ATRNL1: variants seen among roughly 807,000 people sequenced by gnomAD.
The protein encoded by ATRNL1 is attractin like 1.
A neutral mutation model predicts 182.7 loss-of-function variants in ATRNL1; 95 were observed. The ratio of observed to expected loss-of-function variants is 0.52; its 90% CI spans 0.44 to 0.62. The LOEUF (loss-of-function observed/expected upper bound fraction) is 0.62, where lower values mean the gene tolerates loss of function less well. ATRNL1 is among the 20% of genes least tolerant of loss of function. The probability of loss-of-function intolerance (pLI) is 0.00; values close to 1 mark genes in which losing one functional copy is unlikely to be tolerated. For synonymous variants in ATRNL1, 576 were observed against 568.3 expected (o/e 1.01, Z -0.19); for missense variants, 1,471 against 1,679.5 (o/e 0.88, Z 2.17).
chr10:115,587,128 C>T lies in ATRNL1; in HGVS notation c.3795+37592C>T, dbSNP rs1156267302. On this transcript the variant is annotated intron_variant, in intron 26 of 28. Transcript: ENST00000355044. ...CTGCCCGTTCTCAGATCTCCAGCTG[C>T]GTACTGGGAGAACCACTGCTCTCTT... 4.2e-4 allele frequency among the ~76,000 whole-genome samples: 63 copies of T among 148,804 alleles called. 1 individual carries two copies. The East Asian group carries it at 4.9e-3, about 12-fold the overall frequency.
At chr10:115,924,074 C>T (rs1297074291) in intron 28 of ATRNL1, among the ~76,000 whole-genome samples, 5 of 152,084 alleles carry the variant, frequency 3.3e-5, no homozygotes, top group Non-Finnish European at 5.9e-5. Context: ...TTTGTTCATA[C>T]ACTTTGCCAC....
chr10:115,384,173 A>G (rs1282572941), intron 19 of ATRNL1, among the ~76,000 whole-genome samples: 2 of 152,008 alleles, frequency 1.3e-5, no homozygotes. Flanking sequence ...AACTTTTCTC[A>G]ATTCCCTACC....
intron 19 of ATRNL1, among the ~76,000 whole-genome samples, chr10:115,336,749 C>T (rs1554936827): frequency 6.6e-6 from 1 of 152,126 alleles, no homozygotes; most frequent in African/African-American, 2.4e-5. Context: ...TATAATGCTT[C>T]TAACCATAAC....
intron 20 of ATRNL1, among the ~76,000 whole-genome samples, chr10:115,412,660 T>G (rs529617460): frequency 6.6e-6 from 1 of 152,284 alleles, no homozygotes; most frequent in East Asian, 1.9e-4. Context: ...AGATTTCTAG[T>G]CTTTGGTAGA....
chr10:115,128,843 AAG>A (rs1491070807), intron 4 of ATRNL1, among the ~76,000 whole-genome samples: 3 of 151,088 alleles, frequency 2.0e-5, no homozygotes, highest in Admixed American at 6.6e-5. Context: ...AAAAAAAAAA[AAG>A]AGTCTTAAAG....
intron 19 of ATRNL1, among the ~76,000 whole-genome samples, chr10:115,357,398 A>G (rs1856550129): frequency 6.6e-6 from 1 of 151,886 alleles, no homozygotes. Context: ...TTGGACACAC[A>G]CTTTTGCATT....
chr10:115,448,406 C>T (rs566159636), intron 21 of ATRNL1, among the ~76,000 whole-genome samples: 9 of 152,182 alleles, frequency 5.9e-5, no homozygotes, highest in South Asian at 2.1e-4. Context: ...AATTAAATAA[C>T]GTGCTCTGGA....
chr10:115,866,214 C>G (rs1177545024), intron 28 of ATRNL1, among the ~76,000 whole-genome samples: 1 of 152,124 alleles, frequency 6.6e-6, no homozygotes, highest in Non-Finnish European at 1.5e-5. Context: ...AGCTCTTTCC[C>G]ATTAAAATAT....
intron 26 of ATRNL1, among the ~76,000 whole-genome samples, chr10:115,652,878 A>G (rs2133885108): frequency 6.6e-6 from 1 of 152,258 alleles, no homozygotes; most frequent in Non-Finnish European, 1.5e-5. Flanking sequence ...TAAGAGATTT[A>G]TAATGCATGT....
At chr10:115,189,196 A>T (rs1212147622) in intron 8 of ATRNL1, among the ~76,000 whole-genome samples, 1 of 151,962 alleles carries the variant, frequency 6.6e-6, no homozygotes, top group African/African-American at 2.4e-5. Flanking sequence ...GTGTAAACAA[A>T]CCTACTTCAC....
intron 15 of ATRNL1, among the ~76,000 whole-genome samples, chr10:115,289,170 C>G (rs981673941): frequency 1.3e-5 from 2 of 152,034 alleles, no homozygotes; most frequent in Non-Finnish European, 2.9e-5. Flanking sequence ...CTTTTTAAAA[C>G]CATCAGATCT....
At chr10:115,472,095 T>C (rs1490148359) in intron 24 of ATRNL1, among the ~76,000 whole-genome samples, 1 of 151,240 alleles carries the variant, frequency 6.6e-6, no homozygotes, top group Non-Finnish European at 1.5e-5. Flanking sequence ...ATACCATTTA[T>C]TGAAGAGACT....
chr10:115,351,808 T>C (rs1486486187), intron 19 of ATRNL1, among the ~76,000 whole-genome samples: 1 of 146,366 alleles, frequency 6.8e-6, no homozygotes, highest in Non-Finnish European at 1.5e-5. Flanking sequence ...TGTCTAGTTT[T>C]GGTATCAGGA....
chr10:115,560,665 A>G (rs1158406651), intron 26 of ATRNL1, among the ~76,000 whole-genome samples: 1 of 151,152 alleles, frequency 6.6e-6, no homozygotes, highest in African/African-American at 2.4e-5. Flanking sequence ...TGACAAGTAG[A>G]TCCTAAAATC....
At chr10:115,590,153 G>T (rs1348685852) in intron 26 of ATRNL1, among the ~76,000 whole-genome samples, 2 of 152,268 alleles carry the variant, frequency 1.3e-5, no homozygotes, top group East Asian at 3.9e-4. Flanking sequence ...ATCATATACT[G>T]CCATAGGCCA....
intron 28 of ATRNL1, among the ~76,000 whole-genome samples, chr10:115,938,302 A>C (rs146231850): frequency 1.3e-5 from 2 of 152,330 alleles, no homozygotes; most frequent in South Asian, 2.1e-4. Flanking sequence ...ACAATAACTA[A>C]ATTCCTGATG....
At chr10:115,557,622 A>T (rs1554997400) in intron 26 of ATRNL1, among the ~76,000 whole-genome samples, 2 of 152,220 alleles carry the variant, frequency 1.3e-5, no homozygotes, top group East Asian at 3.8e-4. Context: ...TAGTGGACTG[A>T]TGGATGCAAA....
chr10:115,093,851 C>T lies in ATRNL1; in HGVS notation c.101C>T (p.Ser34Phe), dbSNP rs782031896. Residue 34 changes from serine (S) to phenylalanine (F), a missense_variant, in exon 1 of 29, where the codon TCC becomes TTC. Transcript: ENST00000355044. The surrounding 1 kb of genome is among the most constrained non-coding windows in gnomAD (Gnocchi z 6.1). ...PAGGGGGGAS[S>F]WLLDGNSWLL... is the part of the protein sequence containing the mutation. ...GGCGGCGGCGGCGGGGGCGCCTCCT[C>T]CTGGCTGCTGGACGGGAACAGCTGG... 3 of 1,552,396 alleles carry T rather than the reference C, an allele frequency of 1.9e-6. No homozygotes were observed. Among genetic ancestry groups the T allele is most frequent in the South Asian group, 1.2e-5 (1 of 83,800 alleles).
At chr10:115,528,384 C>T (rs1851372739) in intron 25 of ATRNL1, among the ~76,000 whole-genome samples, 1 of 152,032 alleles carries the variant, frequency 6.6e-6, no homozygotes, top group Admixed American at 6.6e-5. Context: ...TTGTCCATTT[C>T]ACCTAGCTTA....
Sources: gnomAD v4.1 joint callset for allele counts (sites outside exome capture counted in the v4.1 genomes callset) on GRCh38, gnomAD v4.1.1 for gene constraint, Gnocchi (gnomAD v3.1) non-coding constraint, MANE v1.5 for transcripts, NCBI Gene and HGNC (gene_info 2026-07-23, HGNC 2026-07-21) for gene names.